PLCH2: variants seen among roughly 807,000 people sequenced by gnomAD.
PLCH2 encodes the protein phospholipase C eta 2.
A neutral mutation model predicts 134.7 loss-of-function variants in PLCH2; 98 were observed. The observed-to-expected ratio is 0.73, with a 90% CI of 0.62 to 0.86. PLCH2 has a LOEUF of 0.86. Among genes scored for constraint, PLCH2 ranks in the 40% least tolerant of loss-of-function variants. The probability of loss-of-function intolerance (pLI) is 0.00; values close to 1 mark genes in which losing one functional copy is unlikely to be tolerated. For missense variants in PLCH2, 1,994 were observed against 1,986.6 expected, an observed-to-expected ratio of 1.00 and a Z score of -0.07; for synonymous variants, 974 against 827.5, an observed-to-expected ratio of 1.18 and a Z score of -3.04.
chr1:2,503,904 T>TCCCCCCCCCCCCCCCCCCCCCCCCCCCCC lies in PLCH2; in HGVS notation c.2960-13_2960-12insCCCCCCCCCCCCCCCCCCCCCCCCCCCCC. ...GCTTCTCCCTCTGGCTCTCTCTCAC[T>TCCCCCCCCCCCCCCCCCCCCCCCCCCCCC]CCCCCACCTCCCCACAGACACCCGC... On this transcript the variant is annotated splice_polypyrimidine_tract_variant and intron_variant, in intron 21 of 21. Coordinates refer to ENST00000378486, the MANE Select transcript of PLCH2 (RefSeq NM_014638.4). 1 of 694,072 alleles carries TCCCCCCCCCCCCCCCCCCCCCCCCCCCCC rather than the reference T, an allele frequency of 1.4e-6. No individual in the cohort carries two copies. The highest frequency in any genetic ancestry group is 2.6e-6 in the Non-Finnish European group (1 of 391,102). The allele number at this position is 694,072 out of a possible 1,614,324, so 43.0% of individuals were successfully genotyped here.
Position 2,504,136 on chromosome 1 carries a change from G to GTGC in PLCH2, c.3175_3177dup (p.Cys1059dup). ...AGCCCCGAGACAGCAGGCCTCGGCC[G>GTGC]TGCAACGGCGAGGGCGCCGGCGGGG... is the stretch of plus-strand genomic sequence containing the variant. On this transcript the variant is annotated inframe_insertion, in exon 22 of 22. Transcript: ENST00000378486. 6.6e-7 allele frequency: 1 copy of GTGC among 1,520,446 alleles called. No homozygotes were observed. Among genetic ancestry groups the GTGC allele is most frequent in the Non-Finnish European group, 8.8e-7 (1 of 1,135,378 alleles). 94.2% of individuals were successfully genotyped at this position (1,520,446 alleles called of 1,614,324 possible).
At position 2,479,919 on chromosome 1, in the gene PLCH2, C is replaced by T. The variant is rs2100653191; in HGVS notation, c.457C>T (p.Leu153Phe). ...CACCTGGGTCACTGGCCTGCGCTAC[C>T]TCATGGCCGGCATCAGCGACGAGGA... ...ARTWVTGLRYLMAGISDEDSL... is the reference protein window; with the variant it reads ...ARTWVTGLRYFMAGISDEDSL... Residue 153 changes from leucine (L) to phenylalanine (F), a missense_variant, in exon 3 of 22, where the codon CTC becomes TTC. Transcript: ENST00000378486. 6.2e-7 allele frequency: 1 copy of T among 1,610,632 alleles called. No individual in the cohort carries two copies. Among genetic ancestry groups the T allele is most frequent in the East Asian group, 2.2e-5 (1 of 44,824 alleles).
intron 4 of PLCH2, among the ~76,000 whole-genome samples, chr1:2,483,524 G>T (rs891394475): frequency 1.3e-5 from 2 of 152,162 alleles, no homozygotes; most frequent in African/African-American, 4.8e-5. Flanking sequence ...GGCTGAGCTG[G>T]GGTGTCACAC....
At chr1:2,434,340 A>G (rs1378673430) in intron 2 of PLCH2, among the ~76,000 whole-genome samples, 1 of 152,152 alleles carries the variant, frequency 6.6e-6, no homozygotes, top group Non-Finnish European at 1.5e-5. Context: ...CAACCTGGGA[A>G]GGTGGCCCCA....
intron 2 of PLCH2, among the ~76,000 whole-genome samples, chr1:2,449,530 C>T (rs1640096719): frequency 1.3e-5 from 2 of 152,108 alleles, no homozygotes; most frequent in Admixed American, 6.6e-5. Flanking sequence ...AACCAACCAA[C>T]CAACCAGCAA....
chr1:2,466,503 C>T (rs1439970747), upstream of PLCH2, among the ~76,000 whole-genome samples: 4 of 152,196 alleles, frequency 2.6e-5, no homozygotes, highest in Admixed American at 2.6e-4. Flanking sequence ...TGGGGCCCCG[C>T]ATGGCAGGAG....
At chr1:2,489,451 C>A in intron 9 of PLCH2, 73 bp downstream of exon 9, 2 of 1,485,772 alleles carry the variant, frequency 1.3e-6, no homozygotes, top group Non-Finnish European at 1.9e-6. Context: ...CTGCTCCAGA[C>A]AGGCAGGGGC....
chr1:2,427,232 G>A (rs1275318418), intron 1 of PLCH2, among the ~76,000 whole-genome samples: 2 of 151,700 alleles, frequency 1.3e-5, no homozygotes, highest in Non-Finnish European at 2.9e-5. Flanking sequence ...GAGCTGGGCA[G>A]TGGGCTGCAG....
chr1:2,501,383 AG>A (rs1478774812), intron 20 of PLCH2: 5 of 152,284 alleles, frequency 3.3e-5, no homozygotes, highest in African/African-American at 1.2e-4. Flanking sequence ...CCAGCTGTCC[AG>A]GAAGATTGGC....
At chr1:2,415,979 G>A in the PLCH2 span, among the ~76,000 whole-genome samples, 63 of 152,366 alleles carry the variant, frequency 4.1e-4, 1 homozygote, top group African/African-American at 1.3e-3. Context: ...CTCAGAGGCC[G>A]GGGAGGAGAG....
At chr1:2,430,556 T>A (rs1639020768) in exon 2 of PLCH2, 1 of 151,988 alleles carries the variant, frequency 6.6e-6, no homozygotes, top group Non-Finnish European at 1.5e-5. Context: ...CTGGCCCAGC[T>A]CTTCCGCCTG....
intron 3 of PLCH2, 28 bp downstream of exon 3, chr1:2,480,005 C>A (rs920800586): frequency 1.3e-6 from 2 of 1,596,116 alleles, no homozygotes; most frequent in Non-Finnish European, 1.7e-6. Flanking sequence ...TCGGGCAATG[C>A]AGACCCAGGG....
In PLCH2 at chr1:2,480,578, G is replaced by A. The variant is rs543765135; in HGVS notation, c.645+266G>A. ...TGCCAGCTCTGGGGAAAGTGGTCGG[G>A]GCACCTGGCACAGGCCCTGCCAGGT... On this transcript the variant is annotated intron_variant, in intron 4 of 21. Coordinates refer to ENST00000378486, the MANE Select transcript of PLCH2 (RefSeq NM_014638.4). Among the ~76,000 whole-genome samples the A allele has an allele frequency of 9.9e-5, 15 of 151,940 alleles. 2 individuals carry two copies. The South Asian group carries it at 3.1e-3, about 32-fold the overall frequency.
intron 4 of PLCH2, among the ~76,000 whole-genome samples, chr1:2,482,970 C>A (rs1176717198): frequency 6.6e-6 from 1 of 152,216 alleles, no homozygotes; most frequent in African/African-American, 2.4e-5. Flanking sequence ...CCACTCTGGG[C>A]TCCTCGCAGG....
chr1:2,434,006 G>A (rs1393135814), intron 2 of PLCH2, among the ~76,000 whole-genome samples: 1 of 152,156 alleles, frequency 6.6e-6, no homozygotes. Flanking sequence ...CAGGAAACTC[G>A]ACGAGCTGCT....
rs773994175 is a variant in PLCH2, at chr1:2,495,513, C to T, written c.1778C>T (p.Ala593Val). 3.1e-5 allele frequency: 48 copies of T among 1,551,912 alleles called. No homozygotes were observed. In the East Asian group the frequency reaches 4.9e-4, roughly 16 times the overall value. ...RKKKGSKLKK[A>V]ASVEEGDEGQ... ...AAGAAGGGCAGCAAGCTGAAGAAGG[C>T]GGCCAGCGTGGAGGAGGGAGATGAG... The change falls in exon 13 of 22, where the codon GCG becomes GTG. Residue 593 changes from alanine (A) to valine (V), a missense_variant. By Grantham distance (64) the Ala-to-Val change is moderately conservative (BLOSUM62 0). Coordinates refer to ENST00000378486, the MANE Select transcript of PLCH2 (RefSeq NM_014638.4).
At chr1:2,453,910 TG>T (rs1259360202) in intron 2 of PLCH2, among the ~76,000 whole-genome samples, 1 of 148,478 alleles carries the variant, frequency 6.7e-6, no homozygotes, top group Non-Finnish European at 1.5e-5. Context: ...GCCTGCCGAG[TG>T]GGGTGGGGGA....
At chr1:2,503,817 C>G in intron 21 of PLCH2, 105 bp from the exon 22 acceptor site, 1 of 625,018 alleles carries the variant, frequency 1.6e-6, no homozygotes, top group Non-Finnish European at 2.9e-6. Flanking sequence ...CACAGGGCAC[C>G]GGGGACACCA....
chr1:2,492,836 C>A (rs771028278), intron 11 of PLCH2, among the ~76,000 whole-genome samples: 1 of 152,104 alleles, frequency 6.6e-6, no homozygotes, highest in African/African-American at 2.4e-5. Context: ...ACCTTGAGGA[C>A]GTGAGACCTC....
Sources: gnomAD v4.1 joint callset for allele counts (sites outside exome capture counted in the v4.1 genomes callset) on GRCh38, gnomAD v4.1.1 for gene constraint, MANE v1.5 for transcripts, NCBI Gene and HGNC (gene_info 2026-07-23, HGNC 2026-07-21) for gene names.